The following AAK1 variants were observed in gnomAD, a reference collection of about 807,000 sequenced individuals.
AAK1 encodes AP2 associated kinase 1, also known as AP2-associated protein kinase 1.
Under a neutral mutation model 116.0 loss-of-function variants are expected in AAK1, and 37 were observed. The ratio of observed to expected loss-of-function variants is 0.32; its 90% CI spans 0.25 to 0.42. The LOEUF (loss-of-function observed/expected upper bound fraction) is 0.42, where lower values mean the gene tolerates loss of function less well. Among genes scored for constraint, AAK1 ranks in the 10% least tolerant of loss-of-function variants. AAK1 has a pLI of 1.00. For missense variants in AAK1, 919 were observed against 1,170.6 expected (o/e 0.79, Z 3.14); for synonymous variants, 458 against 439.9 (o/e 1.04, Z -0.51).
Position 69,482,736 on chromosome 2 carries a change from A to G in AAK1, c.2442T>C (p.Phe814=). ...LPDLLPMTDP[F]GSTSDAVIEK... ...CAATTACAGCATCAGAAGTGCTACC[A>G]AAAGGATCTGTCATAGGCAAGAGGT... is the stretch of plus-strand genomic sequence containing the variant. Residue 814 remains phenylalanine, a synonymous_variant, in exon 18 of 22, where the codon TTT becomes TTC. Transcript: ENST00000409085. 6.2e-7 allele frequency: 1 copy of G among 1,612,810 alleles called. No individual in the cohort carries two copies. Among genetic ancestry groups the G allele is most frequent in the East Asian group, 2.2e-5 (1 of 44,884 alleles).
chr2:69,566,937 G>T (rs1671894852), intron 2 of AAK1, among the ~76,000 whole-genome samples: 1 of 152,120 alleles, frequency 6.6e-6, no homozygotes, highest in African/African-American at 2.4e-5. Flanking sequence ...GGCAAATGTA[G>T]AGAGATATGC....
At chr2:69,493,251 G>C (rs1035954140) in intron 17 of AAK1, among the ~76,000 whole-genome samples, 6 of 151,164 alleles carry the variant, frequency 4.0e-5, no homozygotes, top group African/African-American at 1.5e-4. Flanking sequence ...AAGCAGAATA[G>C]TCAAAGCCAC....
At position 69,473,114 on chromosome 2, in the gene AAK1, T is replaced by G; in HGVS notation, c.*2755A>C. The G allele has an allele frequency of 2.3e-6, 2 of 871,406 alleles. No homozygotes were observed. Among genetic ancestry groups the G allele is most frequent in the Non-Finnish European group, 2.8e-6 (2 of 725,976 alleles). 54.0% of individuals were successfully genotyped at this position (871,406 alleles called of 1,614,324 possible). On this transcript the variant is annotated 3_prime_UTR_variant, in exon 22 of 22. Transcript: ENST00000409085. ...CTAGTCCAAACCCATCGTATAACTC[T>G]AAGGAACAGCAACTCTGAGAGGTGA...
At chr2:69,500,396 A>G (rs528085127) in intron 16 of AAK1, 3 of 152,136 alleles carry the variant, frequency 2.0e-5, no homozygotes, top group South Asian at 2.1e-4. Context: ...TGTTTGTAAA[A>G]GCTTAGTGTT....
intron 2 of AAK1, among the ~76,000 whole-genome samples, chr2:69,635,498 A>C (rs1486329674): frequency 2.0e-5 from 3 of 152,268 alleles, no homozygotes; most frequent in African/African-American, 7.2e-5. Context: ...ATCCATGTTC[A>C]TAACTGTAGC....
At position 69,470,106 on chromosome 2, in the gene AAK1, A is replaced by C. The variant is rs1276488905; in HGVS notation, c.*5763T>G. ...TACAGAATTAAAATCTGAAGACTTA[A>C]ATGTCAGGCTGGATATTCCTTAATG... On this transcript the variant is annotated 3_prime_UTR_variant, in exon 22 of 22. Transcript: ENST00000409085. 1 of 985,312 alleles carries C rather than the reference A, an allele frequency of 1.0e-6. No individual in the cohort carries two copies. Among genetic ancestry groups the C allele is most frequent in the East Asian group, 1.1e-4 (1 of 8,828 alleles). 61.0% of individuals were successfully genotyped at this position (985,312 alleles called of 1,614,324 possible). A position where few individuals can be genotyped will look rare whatever the true frequency, so the allele number is the denominator to read the frequency against.
At chr2:69,594,744 G>A in intron 2 of AAK1, 1 of 795,726 alleles carries the variant, frequency 1.3e-6, no homozygotes, top group East Asian at 2.4e-5. Flanking sequence ...GTAACACTTA[G>A]AACTGGATCA....
intron 21 of AAK1, among the ~76,000 whole-genome samples, 159 bp from the exon 22 acceptor site, chr2:69,476,122 C>G (rs781260153): frequency 2.0e-5 from 3 of 152,210 alleles, no homozygotes; most frequent in Non-Finnish European, 4.4e-5. Flanking sequence ...CATTTGCAAA[C>G]CCTTACACGT....
intron 2 of AAK1, among the ~76,000 whole-genome samples, chr2:69,562,437 T>C (rs981902099): frequency 2.6e-5 from 4 of 152,188 alleles, no homozygotes. Context: ...TAACTTGGAC[T>C]TCTACCTGCT....
intron 2 of AAK1, among the ~76,000 whole-genome samples, chr2:69,582,225 C>A (rs1164961951): frequency 6.6e-6 from 1 of 152,188 alleles, no homozygotes; most frequent in Admixed American, 6.5e-5. Context: ...TCACAGACAA[C>A]ACAGATCATC....
In AAK1 at chr2:69,476,921, T is replaced by C; in HGVS notation, c.2750A>G (p.Glu917Gly). The C allele has an allele frequency of 6.2e-7, 1 of 1,613,770 alleles. No homozygotes were observed. The highest frequency in any genetic ancestry group is 1.1e-5 in the South Asian group (1 of 91,054). Residue 917 changes from glutamate (E) to glycine (G), a missense_variant, in exon 21 of 22, where the codon GAG becomes GGG. Glu to Gly is a moderately conservative substitution (Grantham distance 98). This residue lies in a region of AAK1 where 263 missense variants were observed against 285.5 expected (regional missense o/e 0.92). Coordinates refer to ENST00000409085, the MANE Select transcript of AAK1 (RefSeq NM_014911.5). ...PEGSDKVAEDEFDPIPVLITK... is the reference protein window; with the variant it reads ...PEGSDKVAEDGFDPIPVLITK... ...TATCAATACAGGAATAGGGTCAAAC[T>C]CATCTTCAGCCACCTTGTCCGAGCC...
Position 69,582,375 on chromosome 2 carries a change from G to A in AAK1, c.164-25397C>T, listed in dbSNP as rs567050983. Among the ~76,000 whole-genome samples, 13 of 144,350 alleles carry A rather than the reference G, an allele frequency of 9.0e-5. No homozygotes were observed. In the South Asian group the frequency reaches 1.3e-3, roughly 14 times the overall value. 94.7% of individuals were successfully genotyped at this position (144,350 alleles called of 152,430 possible). On this transcript the variant is annotated intron_variant, in intron 2 of 21. Transcript: ENST00000409085. Reference sequence around the variant, plus strand: ...ATACATGAAAAACCTCCGTGTGTGCGTGTGTGTGCACGTGTGTGTGTGCGT... The same window carrying A: ...ATACATGAAAAACCTCCGTGTGTGCATGTGTGTGCACGTGTGTGTGTGCGT...
intron 9 of AAK1, 51 bp downstream of exon 9, chr2:69,527,165 A>C: frequency 1.5e-6 from 2 of 1,378,822 alleles, no homozygotes; most frequent in Non-Finnish European, 2.0e-6. Context: ...CAGGAGCTCA[A>C]AATGGCAATT....
In AAK1 at chr2:69,584,888, G is replaced by C. The variant is rs1572980077; in HGVS notation, c.164-27910C>G. ...CACTCTGGTCTCCCTCCTTCTCCTA[G>C]AGCTTTCCACACTCTAAAAATCACT... On this transcript the variant is annotated intron_variant, in intron 2 of 21. Coordinates refer to ENST00000409085, the MANE Select transcript of AAK1 (RefSeq NM_014911.5). 2.6e-5 allele frequency among the ~76,000 whole-genome samples: 4 copies of C among 152,084 alleles called. No homozygotes were observed. In the South Asian group the frequency reaches 8.3e-4, roughly 32 times the overall value.
intron 16 of AAK1, among the ~76,000 whole-genome samples, 171 bp from the exon 17 acceptor site, chr2:69,496,251 T>A (rs1675736293): frequency 6.6e-6 from 1 of 150,886 alleles, no homozygotes; most frequent in African/African-American, 2.4e-5. Flanking sequence ...GCAAAGTATC[T>A]ATGAGATACT....
rs923760954 is a variant in AAK1 at position 69,468,108 on chromosome 2, T to A, written c.*7761A>T. ...GGCTTTCAGAATAGTATTTGAAGAATAAGATTTTGAAAAGAATAAATTTTT... is the reference window on the plus strand; with the variant it reads ...GGCTTTCAGAATAGTATTTGAAGAAAAAGATTTTGAAAAGAATAAATTTTT... On this transcript the variant is annotated 3_prime_UTR_variant, in exon 22 of 22. Transcript: ENST00000409085. 2.0e-6 allele frequency: 2 copies of A among 985,214 alleles called. No individual in the cohort carries two copies. The highest frequency in any genetic ancestry group is 3.5e-5 in the African/African-American group (2 of 57,252). 61.0% of individuals were successfully genotyped at this position (985,214 alleles called of 1,614,324 possible). A position where few individuals can be genotyped will look rare whatever the true frequency, so the allele number is the denominator to read the frequency against.
chr2:69,635,336 C>T (rs188891385), intron 2 of AAK1, among the ~76,000 whole-genome samples: 68 of 152,318 alleles, frequency 4.5e-4, no homozygotes, highest in Non-Finnish European at 7.3e-4. Context: ...CCTTTGTGCA[C>T]TGTTGATGGG....
At chr2:69,572,201 G>T (rs1027190952) in intron 2 of AAK1, among the ~76,000 whole-genome samples, 22 of 152,150 alleles carry the variant, frequency 1.4e-4, no homozygotes, top group Non-Finnish European at 7.4e-5. Context: ...GAGCACAAAG[G>T]GACAGACTCA....
At chr2:69,593,546 T>C (rs75470696) in intron 2 of AAK1, among the ~76,000 whole-genome samples, 3,339 of 151,954 alleles carry the variant, frequency 0.022, 263 homozygotes, top group East Asian at 0.16. Flanking sequence ...ATACTATCTT[T>C]ATACATAGAA....
Sources: allele counts gnomAD v4.1 joint callset (sites outside exome capture counted in the v4.1 genomes callset), GRCh38; gene constraint gnomAD v4.1.1; regional missense constraint gnomAD v4.1.1; transcripts MANE v1.5; gene names NCBI Gene and HGNC (gene_info 2026-07-23, HGNC 2026-07-21).